CSMD1: variants seen among roughly 807,000 people sequenced by gnomAD.
CSMD1 encodes CUB and Sushi multiple domains 1, also known as CUB and sushi domain-containing protein 1.
CSMD1 carries 213 observed loss-of-function variants against 417.5 expected under a neutral mutation model. The ratio of observed to expected loss-of-function variants is 0.51; its 90% CI spans 0.46 to 0.57. The LOEUF (loss-of-function observed/expected upper bound fraction) is 0.57, where lower values mean the gene tolerates loss of function less well. Among genes scored for constraint, CSMD1 ranks in the 20% least tolerant of loss-of-function variants. The pLI is 0.00. For synonymous variants in CSMD1, 2,862 were observed against 1,736.8 expected (o/e 1.65, Z -16.11); for missense variants, 6,923 against 4,529.7 (o/e 1.53, Z -15.17).
chr8:4,061,044 G>C (rs758686993), intron 3 of CSMD1, among the ~76,000 whole-genome samples: 1 of 139,428 alleles, frequency 7.2e-6, no homozygotes, highest in Non-Finnish European at 1.6e-5. Flanking sequence ...ATTAATTTAT[G>C]ATGTACAAAA....
At chr8:4,741,304 C>T (rs1488178460) in intron 1 of CSMD1, among the ~76,000 whole-genome samples, 1 of 152,160 alleles carries the variant, frequency 6.6e-6, no homozygotes, top group African/African-American at 2.4e-5. Flanking sequence ...ATCCTTACTG[C>T]ATTTTAAAAA....
rs1563283070 is a variant in CSMD1 at position 3,052,423 on chromosome 8, TA to T, written c.7660+38del. ...CTCCCGAAAGCATTCAGTTCCCACC[TA>T]AACCCACAAAGATGGGCAGATGCCC... On this transcript the variant is annotated intron_variant, in intron 50 of 69. Coordinates refer to ENST00000635120, the MANE Select transcript of CSMD1 (RefSeq NM_033225.6). 14 of 1,521,408 alleles carry T rather than the reference TA, an allele frequency of 9.2e-6. No homozygotes were observed. In the African/African-American group the frequency reaches 1.1e-4, roughly 12 times the overall value. 94.2% of individuals were successfully genotyped at this position (1,521,408 alleles called of 1,614,324 possible).
intron 1 of CSMD1, among the ~76,000 whole-genome samples, chr8:4,838,598 T>C (rs1244913748): frequency 6.6e-6 from 1 of 152,204 alleles, no homozygotes; most frequent in Non-Finnish European, 1.5e-5. Context: ...AAACAATCAG[T>C]TTGTGCTTTG....
chr8:3,200,470 G>T (rs1032138204), intron 32 of CSMD1, among the ~76,000 whole-genome samples: 1 of 151,852 alleles, frequency 6.6e-6, no homozygotes, highest in Non-Finnish European at 1.5e-5. Context: ...CAGGAGAATC[G>T]CTTGAACCTG....
chr8:4,143,754 T>C lies in CSMD1; in HGVS notation c.416-111655A>G, dbSNP rs984929176. Among the ~76,000 whole-genome samples the C allele has an allele frequency of 2.0e-5, 3 of 151,218 alleles. 1 individual carries two copies. The highest frequency in any genetic ancestry group is 4.9e-5 in the African/African-American group (2 of 40,548). ...GGAAGCTGTGAAAGGGGGGATTTATTAAAGCCAGAAAGCACTTCACAGGGT... is the reference window on the plus strand; with the variant it reads ...GGAAGCTGTGAAAGGGGGGATTTATCAAAGCCAGAAAGCACTTCACAGGGT... On this transcript the variant is annotated intron_variant, in intron 3 of 69. Transcript: ENST00000635120.
intron 3 of CSMD1, among the ~76,000 whole-genome samples, chr8:4,168,396 C>T (rs150548784): frequency 6.6e-6 from 1 of 151,588 alleles, no homozygotes; most frequent in Non-Finnish European, 1.5e-5. Flanking sequence ...CCCTTACTCT[C>T]TCTCTCAATA....
chr8:3,243,103 C>A (rs759240372), intron 26 of CSMD1, among the ~76,000 whole-genome samples: 2 of 151,920 alleles, frequency 1.3e-5, no homozygotes, highest in Non-Finnish European at 2.9e-5. Context: ...AGGGTGGCGA[C>A]AAGATTGAAA....
At chr8:4,894,796 T>C (rs1443009058) in intron 1 of CSMD1, among the ~76,000 whole-genome samples, 2 of 152,066 alleles carry the variant, frequency 1.3e-5, no homozygotes, top group African/African-American at 4.8e-5. Flanking sequence ...TAATTTTATT[T>C]CCTCATGAAC....
chr8:4,394,647 G>A (rs78590705), intron 3 of CSMD1, among the ~76,000 whole-genome samples: 4,563 of 148,702 alleles, frequency 0.031, 218 homozygotes, highest in African/African-American at 0.11. Flanking sequence ...TGTGATAGTA[G>A]TAGAATTTCT....
chr8:3,231,964 A>T (rs754827011), intron 26 of CSMD1, among the ~76,000 whole-genome samples: 3 of 151,854 alleles, frequency 2.0e-5, no homozygotes, highest in African/African-American at 4.8e-5. Context: ...AGCTGTCTTC[A>T]CCACTCTCTT....
chr8:4,203,956 C>G (rs999525542), intron 3 of CSMD1, among the ~76,000 whole-genome samples: 1 of 151,948 alleles, frequency 6.6e-6, no homozygotes, highest in African/African-American at 2.4e-5. Flanking sequence ...CAAAAATTAG[C>G]CAGGTGTGGT....
chr8:4,905,769 G>C (rs993009249), intron 1 of CSMD1, among the ~76,000 whole-genome samples: 1 of 139,456 alleles, frequency 7.2e-6, no homozygotes, highest in Non-Finnish European at 1.5e-5. Flanking sequence ...GCAGTGAGCC[G>C]AGATTGTGCC....
intron 6 of CSMD1, among the ~76,000 whole-genome samples, chr8:3,752,695 A>C (rs966290780): frequency 2.8e-5 from 3 of 105,770 alleles, no homozygotes; most frequent in African/African-American, 6.3e-5. Flanking sequence ...AAAAAAAAAA[A>C]AAAAAAAAAC....
intron 50 of CSMD1, among the ~76,000 whole-genome samples, chr8:3,037,154 T>G (rs1349616133): frequency 6.6e-6 from 1 of 152,212 alleles, no homozygotes; most frequent in Admixed American, 6.5e-5. Flanking sequence ...AGACATTATT[T>G]CATTCCTTTT....
At chr8:3,550,698 T>C (rs969790836) in intron 10 of CSMD1, among the ~76,000 whole-genome samples, 1 of 152,208 alleles carries the variant, frequency 6.6e-6, no homozygotes, top group Non-Finnish European at 1.5e-5. Context: ...TTGCTATTTG[T>C]TTGCTTGCCT....
chr8:4,278,518 T>G (rs1796608438), intron 3 of CSMD1, among the ~76,000 whole-genome samples: 1 of 152,202 alleles, frequency 6.6e-6, no homozygotes, highest in African/African-American at 2.4e-5. Context: ...ATTGTGAGTT[T>G]TACCATTAAA....
At chr8:4,404,629 T>C (rs933430802) in intron 3 of CSMD1, among the ~76,000 whole-genome samples, 4 of 152,140 alleles carry the variant, frequency 2.6e-5, no homozygotes, top group African/African-American at 9.7e-5. Flanking sequence ...CCAACCTAAG[T>C]AATGTGAATT....
chr8:3,659,533 A>T (rs569538598), intron 7 of CSMD1, among the ~76,000 whole-genome samples: 1 of 152,278 alleles, frequency 6.6e-6, no homozygotes, highest in East Asian at 1.9e-4. Flanking sequence ...CTGTCCTGGG[A>T]TGATCCTAGT....
chr8:4,843,858 A>C (rs1800979870), intron 1 of CSMD1, among the ~76,000 whole-genome samples: 2 of 152,208 alleles, frequency 1.3e-5, no homozygotes, highest in South Asian at 2.1e-4. Flanking sequence ...TTTGGAGTCA[A>C]CCGCAATTTA....
Sources: allele counts gnomAD v4.1 joint callset (sites outside exome capture counted in the v4.1 genomes callset), GRCh38; gene constraint gnomAD v4.1.1; transcripts MANE v1.5; gene names NCBI Gene and HGNC (gene_info 2026-07-23, HGNC 2026-07-21).